The following DNPEP variants were observed in gnomAD, a reference collection of about 807,000 sequenced individuals.
DNPEP encodes the protein aspartyl aminopeptidase.
In DNPEP, 46 loss-of-function variants were observed where a neutral mutation model predicts 59.1. That is an observed-to-expected ratio of 0.78 (90% CI 0.61 to 0.99). DNPEP has a LOEUF of 0.99. DNPEP is among the 50% of genes least tolerant of loss of function. The pLI is 0.00. For synonymous variants in DNPEP, 229 were observed against 242.2 expected (o/e 0.95, Z 0.50); for missense variants, 617 against 649.9 (o/e 0.95, Z 0.55).
upstream of DNPEP, among the ~76,000 whole-genome samples, chr2:219,389,958 G>T (rs1953989473): frequency 6.6e-6 from 1 of 152,194 alleles, no homozygotes; most frequent in South Asian, 2.1e-4. Flanking sequence ...GCCGAAACAA[G>T]GCTACAATGT....
At chr2:219,393,453 T>C (rs1175925084), upstream of DNPEP, among the ~76,000 whole-genome samples, 1 of 152,094 alleles carries the variant, frequency 6.6e-6, no homozygotes, top group Non-Finnish European at 1.5e-5. Context: ...CTAATTTCTG[T>C]ATTTTTAGTA....
At position 219,373,825 on chromosome 2, in the gene DNPEP, T is replaced by G; in HGVS notation, c.*467A>C. On this transcript the variant is annotated 3_prime_UTR_variant, in exon 15 of 15. Transcript: ENST00000273075. Reference sequence around the variant, plus strand: ...GCTCCTGAGAGGGGATGGGAAGGGATTTTGGGAGGGTGAGAAACAGCTTTG... The same window carrying G: ...GCTCCTGAGAGGGGATGGGAAGGGAGTTTGGGAGGGTGAGAAACAGCTTTG... 6.0e-6 allele frequency: 1 copy of G among 166,064 alleles called. No individual in the cohort carries two copies. Among genetic ancestry groups the G allele is most frequent in the Non-Finnish European group, 1.3e-5 (1 of 76,760 alleles). 10.3% of individuals were successfully genotyped at this position (166,064 alleles called of 1,614,324 possible).
Position 219,399,823 on chromosome 2 carries a change from T to C in DNPEP, c.-158+117A>G, listed in dbSNP as rs764730761. The C allele has an allele frequency of 3.3e-6, 5 of 1,523,924 alleles. No homozygotes were observed. In the South Asian group the frequency reaches 3.6e-5, roughly 11 times the overall value. The allele number at this position is 1,523,924 out of a possible 1,614,324, so 94.4% of individuals were successfully genotyped here. A position where few individuals can be genotyped will look rare whatever the true frequency, so the allele number is the denominator to read the frequency against. On this transcript the variant is annotated intron_variant, in intron 1 of 6. Transcript: ENST00000434339. ...CATGGAAGGCTGGTGCCTAGGAACG[T>C]GTCTGCACTGGCTGGCCACAGAACT...
intron 1 of DNPEP, among the ~76,000 whole-genome samples, chr2:219,394,049 C>T (rs1442721816): frequency 6.6e-6 from 1 of 152,140 alleles, no homozygotes; most frequent in Admixed American, 6.5e-5. Context: ...AAATAATCCT[C>T]CCTTAACCCC....
chr2:219,396,881 A>C (rs975179951), intron 1 of DNPEP, among the ~76,000 whole-genome samples: 10 of 152,216 alleles, frequency 6.6e-5, no homozygotes, highest in Non-Finnish European at 1.5e-4. Flanking sequence ...CCTCTTGGGA[A>C]GGTAAAATTA....
At chr2:219,392,217 T>C (rs894570169), upstream of DNPEP, among the ~76,000 whole-genome samples, 6 of 152,240 alleles carry the variant, frequency 3.9e-5, no homozygotes, top group Admixed American at 1.3e-4. Flanking sequence ...AGATCTCGGC[T>C]GATGTTTACA....
At chr2:219,385,233 G>A in intron 8 of DNPEP, 191 bp downstream of exon 8, 1 of 566,060 alleles carries the variant, frequency 1.8e-6, no homozygotes, top group Non-Finnish European at 3.2e-6. Context: ...TAGTGGGCAG[G>A]TCTGGGGTAG....
rs141129426 is a variant in DNPEP at position 219,386,653 on chromosome 2, C to G, written c.333+12G>C. ...CATCTCCTCCCACCCCAACACCGTC[C>G]GAGTTCCTTACCCGGAGGCAGGGGC... On this transcript the variant is annotated intron_variant, in intron 4 of 14. Coordinates refer to ENST00000273075, the MANE Select transcript of DNPEP (RefSeq NM_012100.4). The G allele has an allele frequency of 3.1e-5, 49 of 1,606,074 alleles. No individual in the cohort carries two copies. The highest frequency in any genetic ancestry group is 3.7e-5 in the Non-Finnish European group (43 of 1,176,752).
chr2:219,382,246 AC>A, intron 10 of DNPEP, 107 bp from the exon 11 acceptor site: 1 of 1,319,084 alleles, frequency 7.6e-7, no homozygotes, highest in Non-Finnish European at 1.0e-6. Context: ...CCACTGAGTC[AC>A]TGGGTGTTCT....
At chr2:219,397,175 T>A (rs562609582) in intron 1 of DNPEP, among the ~76,000 whole-genome samples, 2 of 152,180 alleles carry the variant, frequency 1.3e-5, no homozygotes, top group Non-Finnish European at 2.9e-5. Flanking sequence ...GTGGGTCGTA[T>A]TTGCCGTGTT....
intron 9 of DNPEP, 34 bp downstream of exon 9, chr2:219,384,332 G>C: frequency 6.3e-7 from 1 of 1,585,040 alleles, no homozygotes; most frequent in Non-Finnish European, 8.6e-7. Context: ...TCTGCTGGTG[G>C]TTATGTGCTG....
At chr2:219,384,253 G>A (rs981687627) in intron 9 of DNPEP, 113 bp downstream of exon 9, 5 of 1,009,204 alleles carry the variant, frequency 5.0e-6, no homozygotes, top group Admixed American at 4.6e-5. Context: ...GACTGAGCGG[G>A]TAGACAATGG....
chr2:219,387,291 C>G (rs1189565433), intron 1 of DNPEP, 128 bp from the exon 2 acceptor site: 3 of 1,415,266 alleles, frequency 2.1e-6, no homozygotes, highest in Admixed American at 3.0e-5. Context: ...TGCTTCCGCC[C>G]GTCCCCACCG....
chr2:219,386,805 GGT>G (rs1953861634), intron 3 of DNPEP, 27 bp from the exon 4 acceptor site: 43 of 1,609,788 alleles, frequency 2.7e-5, no homozygotes, highest in Non-Finnish European at 3.7e-5. Context: ...GAAAGACAGG[GGT>G]GTGAGTTGCA....
rs574663932 is a variant in DNPEP at position 219,373,916 on chromosome 2, C to T, written c.*376G>A. On this transcript the variant is annotated 3_prime_UTR_variant, in exon 15 of 15. Transcript: ENST00000273075. ...GGATCTCTGAAGGCAGAGCGGGACA[C>T]CCATTCTGGGGATGGAAAGAGGGAA... 4.2e-6 allele frequency: 1 copy of T among 237,320 alleles called. No individual in the cohort carries two copies. The highest frequency in any genetic ancestry group is 2.2e-5 in the African/African-American group (1 of 45,388). The allele number at this position is 237,320 out of a possible 1,614,324, so 14.7% of individuals were successfully genotyped here. A position where few individuals can be genotyped will look rare whatever the true frequency, so the allele number is the denominator to read the frequency against.
chr2:219,390,720 C>T (rs1490132256), upstream of DNPEP, among the ~76,000 whole-genome samples: 1 of 152,132 alleles, frequency 6.6e-6, no homozygotes, highest in Non-Finnish European at 1.5e-5. Context: ...ATCCCAGCTA[C>T]TCAGGAGACT....
chr2:219,386,495 G>A (rs1218781248), intron 4 of DNPEP, 84 bp from the exon 5 acceptor site: 17 of 1,568,170 alleles, frequency 1.1e-5, no homozygotes, highest in East Asian at 4.5e-5. Context: ...GTAACAGACA[G>A]CGAATATTAG....
Position 219,386,758 on chromosome 2 carries a change from G to A in DNPEP, c.240C>T (p.Ser80=), listed in dbSNP as rs369473011. The change falls in exon 4 of 15, where the codon TCC becomes TCT. Residue 80 remains serine (S), a synonymous_variant. Transcript: ENST00000273075. ...CTACAGCAAAAGCTATGATGGTGGA[G>A]GAGTTCCTGGTCATGAAGTACTGAG... ...PESKYFMTRN[S]STIIAFAVGG... 8.1e-6 allele frequency: 13 copies of A among 1,613,100 alleles called. No individual in the cohort carries two copies. The African/African-American group carries it at 1.2e-4, about 15-fold the overall frequency.
intron 1 of DNPEP, among the ~76,000 whole-genome samples, chr2:219,399,049 T>A (rs1222248994): frequency 6.6e-6 from 1 of 152,260 alleles, no homozygotes; most frequent in African/African-American, 2.4e-5. Flanking sequence ...GCTTCCCGTT[T>A]ATTTACTCCT....
Sources: gnomAD v4.1 joint callset for allele counts (sites outside exome capture counted in the v4.1 genomes callset) on GRCh38, gnomAD v4.1.1 for gene constraint, MANE v1.5 for transcripts, NCBI Gene and HGNC (gene_info 2026-07-23, HGNC 2026-07-21) for gene names.